RBFOX1: variants seen among roughly 807,000 people sequenced by gnomAD.
The protein encoded by RBFOX1 is RNA binding fox-1 homolog 1.
Under a neutral mutation model 57.7 loss-of-function variants are expected in RBFOX1, and 8 were observed. The observed-to-expected ratio is 0.14, with a 90% CI of 0.08 to 0.25. The LOEUF (loss-of-function observed/expected upper bound fraction) is 0.25. Ranked by LOEUF, RBFOX1 falls within the 10% of genes least tolerant of loss-of-function variation. The probability of loss-of-function intolerance (pLI) is 1.00; values close to 1 mark genes in which losing one functional copy is unlikely to be tolerated. For missense variants in RBFOX1, 611 were observed against 548.5 expected (o/e 1.11, Z -1.14); for synonymous variants, 326 against 222.4 (o/e 1.47, Z -4.15).
At chr16:6,678,179 A>C (rs180827929) in intron 3 of RBFOX1, among the ~76,000 whole-genome samples, 1 of 152,340 alleles carries the variant, frequency 6.6e-6, no homozygotes, top group East Asian at 1.9e-4. Context: ...GCTGGAGTGC[A>C]GTGGCACAAT....
chr16:5,988,497 G>C (rs762256500), intron 4 of RBFOX1, among the ~76,000 whole-genome samples: 1 of 152,090 alleles, frequency 6.6e-6, no homozygotes, highest in Admixed American at 6.6e-5. Context: ...CCACTACTTC[G>C]TCTAAGTTCC....
At position 6,951,955 on chromosome 16, in the gene RBFOX1, C is replaced by G. The variant is rs137941642; in HGVS notation, c.-15-100102C>G. Among the ~76,000 whole-genome samples, 762 of 152,210 alleles carry G rather than the reference C, an allele frequency of 5.0e-3. 14 individuals carry two copies. The highest frequency in any genetic ancestry group is 0.018 in the African/African-American group (730 of 41,532). ...TTCACCATGTTGGTCAGGCTGGTCT[C>G]GAACACCTGATCTCTTGATGGGGGC... On this transcript the variant is annotated intron_variant, in intron 3 of 15. Coordinates refer to ENST00000550418, the MANE Select transcript of RBFOX1 (RefSeq NM_018723.4).
intron 1 of RBFOX1, among the ~76,000 whole-genome samples, chr16:5,461,185 A>G (rs190610052): frequency 1.1e-3 from 162 of 152,262 alleles, no homozygotes; most frequent in African/African-American, 3.7e-3. Context: ...GCTGTTTGCA[A>G]GGTTAGACCA....
chr16:6,770,775 G>A (rs1051403582), intron 3 of RBFOX1, among the ~76,000 whole-genome samples: 8 of 152,152 alleles, frequency 5.3e-5, no homozygotes, highest in Non-Finnish European at 7.4e-5. Context: ...CCCCAGTTGG[G>A]AAGTTAAGGA....
chr16:6,907,600 C>G (rs1008085787), intron 3 of RBFOX1, among the ~76,000 whole-genome samples: 7 of 152,072 alleles, frequency 4.6e-5, no homozygotes, highest in Non-Finnish European at 1.0e-4. Context: ...GATGGAGTCT[C>G]ACTCTGGTTG....
At chr16:6,107,640 G>T (rs566982891) in intron 1 of RBFOX1, among the ~76,000 whole-genome samples, 3 of 149,886 alleles carry the variant, frequency 2.0e-5, no homozygotes, top group Non-Finnish European at 4.4e-5. Flanking sequence ...TGAATGAATT[G>T]GTGGACGGAT....
chr16:6,216,678 C>T (rs946389510), intron 1 of RBFOX1, among the ~76,000 whole-genome samples: 3 of 152,110 alleles, frequency 2.0e-5, no homozygotes, highest in Admixed American at 6.6e-5. Context: ...TATTTTTTCG[C>T]TTAGACAGAT....
chr16:7,340,872 G>A (rs1173881532), intron 4 of RBFOX1, among the ~76,000 whole-genome samples: 3 of 152,182 alleles, frequency 2.0e-5, no homozygotes, highest in African/African-American at 4.8e-5. Flanking sequence ...GTGTCTTGCT[G>A]CAGCAGCCAT....
intron 3 of RBFOX1, among the ~76,000 whole-genome samples, chr16:6,743,706 G>A (rs2072875670): frequency 6.6e-6 from 1 of 151,566 alleles, no homozygotes; most frequent in Non-Finnish European, 1.5e-5. Flanking sequence ...TCACACCACT[G>A]TATTCCAGCC....
At chr16:5,800,557 T>A (rs1321727494) in intron 3 of RBFOX1, among the ~76,000 whole-genome samples, 1 of 152,044 alleles carries the variant, frequency 6.6e-6, no homozygotes, top group Non-Finnish European at 1.5e-5. Context: ...CTGGGACAGA[T>A]GACCAAGGAT....
At chr16:6,317,741 G>T (rs939460088) in intron 2 of RBFOX1, among the ~76,000 whole-genome samples, 1 of 152,042 alleles carries the variant, frequency 6.6e-6, no homozygotes, top group African/African-American at 2.4e-5. Context: ...AGCATTTGGG[G>T]TAGCACCTTC....
chr16:6,845,258 G>C (rs770441598), intron 3 of RBFOX1, among the ~76,000 whole-genome samples: 10 of 151,716 alleles, frequency 6.6e-5, no homozygotes, highest in Non-Finnish European at 1.3e-4. Context: ...GCCCGTACCT[G>C]TGTCCTGAAT....
chr16:7,481,304 C>G (rs1328352018), intron 4 of RBFOX1, among the ~76,000 whole-genome samples: 1 of 152,154 alleles, frequency 6.6e-6, no homozygotes, highest in African/African-American at 2.4e-5. Context: ...ATCGCATTAT[C>G]TATATAATGT....
chr16:5,293,981 C>T lies in RBFOX1; in HGVS notation c.219+53876C>T, dbSNP rs1308362817. 2.0e-5 allele frequency among the ~76,000 whole-genome samples: 3 copies of T among 152,200 alleles called. No homozygotes were observed. The East Asian group carries it at 5.8e-4, about 29-fold the overall frequency. On this transcript the variant is annotated intron_variant, in intron 1 of 2. Transcript: ENST00000585867. ...CAATGGCTCATGCCTGTAATCCCAG[C>T]ACTTTGGGAGGCCAAGGCGGGTAGA...
At chr16:6,895,444 GTGTGTATATATA>G (rs1455022517) in intron 3 of RBFOX1, among the ~76,000 whole-genome samples, 85 of 73,462 alleles carry the variant, frequency 1.2e-3, no homozygotes, top group African/African-American at 4.4e-3. Flanking sequence ...GTGTGTGTGT[GTGTGTATATATA>G]TATATATATA....
intron 4 of RBFOX1, among the ~76,000 whole-genome samples, chr16:7,388,555 TA>T (rs2097923106): frequency 6.7e-6 from 1 of 150,280 alleles, no homozygotes; most frequent in Non-Finnish European, 1.5e-5. Flanking sequence ...AAAAGAAAGA[TA>T]ACAACCCTTA....
intron 3 of RBFOX1, among the ~76,000 whole-genome samples, chr16:6,827,333 A>G (rs2092280984): frequency 6.6e-6 from 1 of 152,172 alleles, no homozygotes. Context: ...AAAGCAAGTA[A>G]ATCCATTAAA....
chr16:5,446,376 G>C (rs139140899), intron 1 of RBFOX1, among the ~76,000 whole-genome samples: 1 of 152,144 alleles, frequency 6.6e-6, no homozygotes, highest in Non-Finnish European at 1.5e-5. Flanking sequence ...AGGAAAGTTA[G>C]ATTCAAACAT....
chr16:5,929,871 C>G (rs1471770450), intron 4 of RBFOX1, among the ~76,000 whole-genome samples: 1 of 150,586 alleles, frequency 6.6e-6, no homozygotes, highest in Non-Finnish European at 1.5e-5. Flanking sequence ...TTCTGAGAGT[C>G]CAGAAAAGGA....
Sources: gnomAD v4.1 joint callset for allele counts (sites outside exome capture counted in the v4.1 genomes callset) on GRCh38, gnomAD v4.1.1 for gene constraint, MANE v1.5 for transcripts, NCBI Gene and HGNC (gene_info 2026-07-23, HGNC 2026-07-21) for gene names.